EMSY: variants seen among roughly 807,000 people sequenced by gnomAD.
EMSY encodes the protein EMSY transcriptional repressor, BRCA2 interacting.
Under a neutral mutation model 134.6 loss-of-function variants are expected in EMSY, and 26 were observed. The observed-to-expected ratio is 0.19, with a 90% CI of 0.14 to 0.27. The LOEUF is 0.27. Among genes scored for constraint, EMSY ranks in the 10% least tolerant of loss-of-function variants. The pLI, the probability that EMSY is intolerant of heterozygous loss-of-function variation, is 1.00. For synonymous variants in EMSY, 579 were observed against 577.8 expected (o/e 1.00, Z -0.03); for missense variants, 1,305 against 1,611.4 (o/e 0.81, Z 3.26).
At chr11:76,475,024 A>G (rs546445521) in intron 8 of EMSY, among the ~76,000 whole-genome samples, 105 of 152,246 alleles carry the variant, frequency 6.9e-4, no homozygotes, top group Admixed American at 1.3e-3. Flanking sequence ...TCAGCCTACC[A>G]AGGTGCTGGG....
chr11:76,520,599 G>T (rs959631745), intron 11 of EMSY, among the ~76,000 whole-genome samples: 1 of 152,142 alleles, frequency 6.6e-6, no homozygotes, highest in African/African-American at 2.4e-5. Context: ...AAAAACAGTT[G>T]TGAAGCTAGT....
intron 9 of EMSY, among the ~76,000 whole-genome samples, chr11:76,498,652 T>C (rs1447508041): frequency 1.3e-5 from 2 of 152,194 alleles, no homozygotes; most frequent in African/African-American, 4.8e-5. Flanking sequence ...TTTCCATTCT[T>C]AAAATTTAAT....
intron 8 of EMSY, among the ~76,000 whole-genome samples, chr11:76,474,995 C>T (rs990168511): frequency 3.3e-5 from 5 of 152,074 alleles, no homozygotes; most frequent in Non-Finnish European, 7.4e-5. Context: ...AACTCCTGGC[C>T]TCAAGAGATC....
At chr11:76,529,556 C>A (rs1204339790) in intron 14 of EMSY, among the ~76,000 whole-genome samples, 2 of 152,046 alleles carry the variant, frequency 1.3e-5, no homozygotes, top group Non-Finnish European at 2.9e-5. Flanking sequence ...AGCATAAAAT[C>A]TAGATCTAGA....
At chr11:76,520,607 A>G (rs1950607085) in intron 11 of EMSY, among the ~76,000 whole-genome samples, 2 of 152,192 alleles carry the variant, frequency 1.3e-5, no homozygotes, top group Admixed American at 1.3e-4. Flanking sequence ...TTGTGAAGCT[A>G]GTTCATAGAT....
chr11:76,552,597 A>G (rs1049056480), downstream of EMSY: 1 of 152,214 alleles, frequency 6.6e-6, no homozygotes, highest in Non-Finnish European at 1.5e-5. Context: ...AGTGCCTAGT[A>G]TTGCAGATGC....
At chr11:76,463,540 G>C (rs1031505403) in intron 6 of EMSY, among the ~76,000 whole-genome samples, 1 of 151,522 alleles carries the variant, frequency 6.6e-6, no homozygotes, top group Admixed American at 6.6e-5. Context: ...GGAGAATGGC[G>C]TGAACCCGGG....
chr11:76,500,340 A>G (rs1949813458), intron 9 of EMSY, among the ~76,000 whole-genome samples: 1 of 152,232 alleles, frequency 6.6e-6, no homozygotes, highest in Non-Finnish European at 1.5e-5. Context: ...ATCTCTTCCC[A>G]AAGGAACTAA....
intron 8 of EMSY, among the ~76,000 whole-genome samples, chr11:76,479,594 G>C (rs995446635): frequency 6.6e-6 from 1 of 152,316 alleles, no homozygotes; most frequent in African/African-American, 2.4e-5. Flanking sequence ...ATACCCCTGA[G>C]GGGTAATAGT....
intron 9 of EMSY, among the ~76,000 whole-genome samples, chr11:76,512,889 G>A (rs1950327164): frequency 6.6e-6 from 1 of 151,976 alleles, no homozygotes; most frequent in Non-Finnish European, 1.5e-5. Flanking sequence ...TATTTTAAAA[G>A]AAGGCAGTTA....
At chr11:76,448,612 G>A (rs1338321554) in intron 2 of EMSY, among the ~76,000 whole-genome samples, 1 of 151,694 alleles carries the variant, frequency 6.6e-6, no homozygotes, top group Admixed American at 6.6e-5. Flanking sequence ...GCTGCAGAGT[G>A]CTTCTATATA....
intron 8 of EMSY, among the ~76,000 whole-genome samples, chr11:76,484,747 A>G (rs1231275678): frequency 6.6e-6 from 1 of 152,166 alleles, no homozygotes; most frequent in Non-Finnish European, 1.5e-5. Context: ...AGCCTGACCA[A>G]CATGGAGAAA....
exon 20 of EMSY, chr11:76,546,292 A>G (rs1215752029): frequency 1.2e-6 from 2 of 1,606,816 alleles, no homozygotes; most frequent in African/African-American, 2.7e-5. Context: ...AGAAATTATC[A>G]TCCAGGTAAG....
chr11:76,487,015 C>T (rs1042048136), intron 8 of EMSY, among the ~76,000 whole-genome samples: 21 of 152,312 alleles, frequency 1.4e-4, no homozygotes, highest in East Asian at 5.8e-4. Flanking sequence ...CAGTGGCTCA[C>T]GCCTGTAATC....
intron 4 of EMSY, among the ~76,000 whole-genome samples, chr11:76,456,309 T>G (rs966857698): frequency 3.3e-5 from 5 of 152,208 alleles, no homozygotes; most frequent in African/African-American, 1.2e-4. Flanking sequence ...TTGGAAGATT[T>G]ATAGATCTTT....
At chr11:76,540,774 A>G (rs17749618) in intron 17 of EMSY, among the ~76,000 whole-genome samples, 41,065 of 152,184 alleles carry the variant, frequency 0.27, 5,843 homozygotes, top group Non-Finnish European at 0.32. Context: ...AGATCAGGGT[A>G]TATGAACATT....
intron 12 of EMSY, among the ~76,000 whole-genome samples, chr11:76,525,974 G>C (rs1328461681): frequency 6.6e-6 from 1 of 152,000 alleles, no homozygotes; most frequent in Non-Finnish European, 1.5e-5. Context: ...GTAGAACTTA[G>C]GGGATGTATT....
chr11:76,532,689 T>C (rs563855870), intron 14 of EMSY, among the ~76,000 whole-genome samples: 1 of 152,278 alleles, frequency 6.6e-6, no homozygotes, highest in African/African-American at 2.4e-5. Flanking sequence ...TATAAGATTA[T>C]ATTAAGTGAA....
chr11:76,506,718 T>G (rs1320688007), intron 9 of EMSY, among the ~76,000 whole-genome samples: 2 of 151,970 alleles, frequency 1.3e-5, no homozygotes, highest in Non-Finnish European at 2.9e-5. Context: ...AATATACTGG[T>G]GGGAAGGGGG....
Sources: allele counts gnomAD v4.1 joint callset (sites outside exome capture counted in the v4.1 genomes callset), GRCh38; gene constraint gnomAD v4.1.1; transcripts MANE v1.5; gene names NCBI Gene and HGNC (gene_info 2026-07-23, HGNC 2026-07-21).